Variants in SNX9 observed in about 807,000 individuals in gnomAD.
The protein encoded by SNX9 is sorting nexin 9.
A neutral mutation model predicts 89.4 loss-of-function variants in SNX9; 44 were observed. The observed-to-expected ratio is 0.49, with a 90% CI of 0.39 to 0.63. The LOEUF is 0.63. Ranked by LOEUF, SNX9 falls within the 30% of genes least tolerant of loss-of-function variation. SNX9 has a pLI of 0.00. For synonymous variants in SNX9, 236 were observed against 247.8 expected (o/e 0.95, Z 0.45); for missense variants, 578 against 736.1 (o/e 0.79, Z 2.49).
chr6:157,835,412 C>CTT (rs757017383), intron 1 of SNX9, among the ~76,000 whole-genome samples: 38 of 130,734 alleles, frequency 2.9e-4, no homozygotes, highest in African/African-American at 7.5e-4. Context: ...CATTCCCCTT[C>CTT]TTTTTTTTTT....
At chr6:157,924,255 A>G (rs988712980) in intron 10 of SNX9, 2 of 151,252 alleles carry the variant, frequency 1.3e-5, no homozygotes, top group African/African-American at 4.9e-5. Flanking sequence ...TAAAGTAAGA[A>G]AAAAAAAATC....
chr6:157,875,203 GTGGC>G lies in SNX9; in HGVS notation c.300+33_300+36del, dbSNP rs766655726. On this transcript the variant is annotated intron_variant, in intron 4 of 17. Coordinates refer to ENST00000392185, the MANE Select transcript of SNX9 (RefSeq NM_016224.5). ...TACGTCTCACTTCCTCCTTCTGGAT[GTGGC>G]TGGCTTTACGGAAAACAGAGCGTAT... The G allele has an allele frequency of 3.8e-6, 6 of 1,592,682 alleles. No individual in the cohort carries two copies. The East Asian group carries it at 1.4e-4, about 36-fold the overall frequency.
intron 5 of SNX9, among the ~76,000 whole-genome samples, chr6:157,900,005 A>T (rs945221491): frequency 1.3e-5 from 2 of 152,034 alleles, no homozygotes; most frequent in African/African-American, 4.8e-5. Flanking sequence ...AATATCATTA[A>T]CTGTAGTCCT....
chr6:157,893,596 A>C (rs942937906), intron 4 of SNX9, among the ~76,000 whole-genome samples: 13 of 127,510 alleles, frequency 1.0e-4, no homozygotes, highest in Non-Finnish European at 1.8e-4. Flanking sequence ...TTCTTTTTTT[A>C]ACTAGCACCA....
chr6:157,831,335 T>TG (rs1317543811), intron 1 of SNX9, among the ~76,000 whole-genome samples: 1 of 152,220 alleles, frequency 6.6e-6, no homozygotes, highest in African/African-American at 2.4e-5. Flanking sequence ...ACCAGTCTCC[T>TG]GGGGACATTA....
At chr6:157,897,200 G>A (rs1449965447) in intron 5 of SNX9, among the ~76,000 whole-genome samples, 1 of 151,174 alleles carries the variant, frequency 6.6e-6, no homozygotes, top group African/African-American at 2.4e-5. Flanking sequence ...TCATGACACT[G>A]TCTACCTGGA....
intron 1 of SNX9, among the ~76,000 whole-genome samples, chr6:157,840,125 G>A (rs1377300781): frequency 1.5e-5 from 2 of 136,062 alleles, no homozygotes; most frequent in South Asian, 2.5e-4. Context: ...TTTGGATCTC[G>A]GGAAAGAGCA....
In SNX9 at chr6:157,940,960, C is replaced by T; in HGVS notation, c.1726C>T (p.Gln576Ter). Residue 576 changes from glutamine (Q) to a stop codon, truncating the protein, a stop_gained, in exon 17 of 18, where the codon CAA becomes TAA. Coordinates refer to ENST00000392185, the MANE Select transcript of SNX9 (RefSeq NM_016224.5). LOFTEE classifies it high-confidence loss of function. ...VIRLYLEQQV[Q>*]FYETIAEKLR... The stretch of plus-strand genomic sequence containing the variant: ...CCGCCTGTACCTGGAGCAGCAAGTG[C>T]AATTTTACGAAACGGTGAGTGGGCG... 1 of 1,614,156 alleles carries T rather than the reference C, an allele frequency of 6.2e-7. No homozygotes were observed. The highest frequency in any genetic ancestry group is 8.5e-7 in the Non-Finnish European group (1 of 1,180,006).
chr6:157,880,660 T>A (rs952860773), intron 4 of SNX9, among the ~76,000 whole-genome samples: 1 of 152,340 alleles, frequency 6.6e-6, no homozygotes, highest in Middle Eastern at 3.4e-3. Context: ...GCCACAGTTA[T>A]TGAGAGGCGT....
At chr6:157,933,773 A>G (rs867055607) in intron 13 of SNX9, among the ~76,000 whole-genome samples, 16 of 152,334 alleles carry the variant, frequency 1.1e-4, no homozygotes, top group African/African-American at 3.6e-4. Context: ...TTTGGCCATC[A>G]TGATGGCCCG....
rs559356306 is a variant in SNX9, at chr6:157,913,211, A to G, written c.949+3186A>G. On this transcript the variant is annotated intron_variant, in intron 9 of 17. Transcript: ENST00000392185. ...AAGTTTGCAATGCTTTAGTACAATG[A>G]TGGTGTCTAGACTCATTGTTCTGTT... is the stretch of plus-strand genomic sequence containing the variant. Among the ~76,000 whole-genome samples, 7 of 152,124 alleles carry G rather than the reference A, an allele frequency of 4.6e-5. No individual in the cohort carries two copies. In the South Asian group the frequency reaches 1.5e-3, roughly 32 times the overall value.
At chr6:157,933,448 A>G (rs1783857791) in intron 13 of SNX9, among the ~76,000 whole-genome samples, 1 of 152,222 alleles carries the variant, frequency 6.6e-6, no homozygotes. Flanking sequence ...ATATTTTAAT[A>G]ATAAACTAAT....
intron 1 of SNX9, among the ~76,000 whole-genome samples, chr6:157,845,138 C>T (rs893666901): frequency 1.2e-4 from 18 of 146,394 alleles, no homozygotes; most frequent in African/African-American, 2.8e-4. Context: ...GACGGAGTTC[C>T]GCTCTTGTCG....
intron 10 of SNX9, chr6:157,924,423 C>T (rs1783647378): frequency 6.6e-6 from 1 of 152,076 alleles, no homozygotes; most frequent in Admixed American, 6.5e-5. Flanking sequence ...AAGTTTCTTT[C>T]ACTCTGAGTT....
chr6:157,840,486 C>G (rs73573821), intron 1 of SNX9, among the ~76,000 whole-genome samples: 3,697 of 143,676 alleles, frequency 0.026, 162 homozygotes, highest in African/African-American at 0.096. Context: ...CTCTCTCTCT[C>G]TCTTTCTTTC....
At chr6:157,914,469 C>CTTTTTTTTTTT (rs34419515) in intron 9 of SNX9, among the ~76,000 whole-genome samples, 29 of 75,112 alleles carry the variant, frequency 3.9e-4, no homozygotes, top group African/African-American at 8.5e-4. Flanking sequence ...TTTTCTTTTT[C>CTTTTTTTTTTT]TTTTTTTTTT....
At chr6:157,843,043 C>G (rs189867582) in intron 1 of SNX9, among the ~76,000 whole-genome samples, 5 of 152,240 alleles carry the variant, frequency 3.3e-5, no homozygotes, top group African/African-American at 1.2e-4. Context: ...TTAAAGGTTA[C>G]AAGCAAGATA....
Position 157,823,561 on chromosome 6 carries a change from C to A in SNX9, c.12+115C>A. ...GCCAGGGGTGGTCGAGGGGCCACTC[C>A]GCTTCCTCGGTGGAGTCCCCGGGCG... is the stretch of plus-strand genomic sequence containing the variant. On this transcript the variant is annotated intron_variant, in intron 1 of 17. Transcript: ENST00000392185. This position sits in a 1 kb window ranked among gnomAD's most constrained non-coding sequence, Gnocchi z 4.6. 1.1e-6 allele frequency: 1 copy of A among 924,534 alleles called. No homozygotes were observed. The highest frequency in any genetic ancestry group is 1.4e-6 in the Non-Finnish European group (1 of 732,606). The allele number at this position is 924,534 out of a possible 1,614,324, so 57.3% of individuals were successfully genotyped here.
chr6:157,853,506 G>A (rs1781950721), intron 1 of SNX9, among the ~76,000 whole-genome samples: 1 of 151,962 alleles, frequency 6.6e-6, no homozygotes, highest in Admixed American at 6.6e-5. Flanking sequence ...GGAAATTTTT[G>A]ACATTACTTC....
Sources: gnomAD v4.1 joint callset for allele counts (sites outside exome capture counted in the v4.1 genomes callset) on GRCh38, gnomAD v4.1.1 for gene constraint, Gnocchi (gnomAD v3.1) non-coding constraint, MANE v1.5 for transcripts, NCBI Gene and HGNC (gene_info 2026-07-23, HGNC 2026-07-21) for gene names.